Variants in MACROD2 observed in about 807,000 individuals in gnomAD.
MACROD2 encodes the protein ADP-ribose glycohydrolase MACROD2.
MACROD2 carries 36 observed loss-of-function variants against 70.4 expected under a neutral mutation model. The observed-to-expected ratio is 0.51, with a 90% CI of 0.39 to 0.68. The LOEUF is 0.68. Ranked by LOEUF, MACROD2 falls within the 30% of genes least tolerant of loss-of-function variation. The pLI is 0.00. For missense variants in MACROD2, 496 were observed against 538.4 expected, an observed-to-expected ratio of 0.92 and a Z score of 0.78; for synonymous variants, 172 against 178.8, an observed-to-expected ratio of 0.96 and a Z score of 0.30.
intron 3 of MACROD2, among the ~76,000 whole-genome samples, chr20:14,441,288 A>G (rs2084119652): frequency 1.3e-5 from 2 of 152,154 alleles, no homozygotes; most frequent in Admixed American, 6.5e-5. Flanking sequence ...GCAGAGGAGA[A>G]CTGAAGTGCT....
intron 4 of MACROD2, among the ~76,000 whole-genome samples, chr20:14,684,377 G>C (rs2070972927): frequency 6.6e-6 from 1 of 152,030 alleles, no homozygotes; most frequent in Non-Finnish European, 1.5e-5. Context: ...TACCTTTCTA[G>C]GTTTCTTACT....
At chr20:15,775,771 A>G (rs907928108) in intron 8 of MACROD2, among the ~76,000 whole-genome samples, 1 of 152,178 alleles carries the variant, frequency 6.6e-6, no homozygotes, top group African/African-American at 2.4e-5. Flanking sequence ...GAGGCAGACA[A>G]GACCACCCTT....
intron 3 of MACROD2, among the ~76,000 whole-genome samples, chr20:14,132,540 A>G (rs933420444): frequency 5.3e-5 from 8 of 152,258 alleles, no homozygotes; most frequent in South Asian, 2.1e-4. Flanking sequence ...GATAAATTCC[A>G]ACTAATGATT....
chr20:14,488,141 A>G (rs1474025213), intron 3 of MACROD2, among the ~76,000 whole-genome samples: 1 of 152,220 alleles, frequency 6.6e-6, no homozygotes, highest in Non-Finnish European at 1.5e-5. Flanking sequence ...TAAATTGAAA[A>G]TTTATTTGTA....
chr20:15,376,052 T>C (rs1455261714), intron 6 of MACROD2, among the ~76,000 whole-genome samples: 1 of 152,160 alleles, frequency 6.6e-6, no homozygotes, highest in Non-Finnish European at 1.5e-5. Flanking sequence ...GTGGTCCATG[T>C]TTACCAAATG....
chr20:14,643,892 G>A (rs1271482844), intron 4 of MACROD2, among the ~76,000 whole-genome samples: 2 of 152,128 alleles, frequency 1.3e-5, no homozygotes, highest in Non-Finnish European at 2.9e-5. Flanking sequence ...ATGCCTGGGT[G>A]TGTGGATGGA....
At chr20:15,977,329 A>G (rs1345945839) in intron 13 of MACROD2, among the ~76,000 whole-genome samples, 2 of 152,216 alleles carry the variant, frequency 1.3e-5, no homozygotes, top group African/African-American at 2.4e-5. Context: ...ATCTGAAGAC[A>G]TAGCTATGAA....
chr20:14,306,630 C>T (rs2082523161), intron 3 of MACROD2, among the ~76,000 whole-genome samples: 1 of 152,130 alleles, frequency 6.6e-6, no homozygotes. Context: ...GCCAGCACCT[C>T]ATTCTCAAAC....
chr20:14,596,278 G>A (rs1248584729), intron 4 of MACROD2, among the ~76,000 whole-genome samples: 1 of 151,480 alleles, frequency 6.6e-6, no homozygotes, highest in East Asian at 1.9e-4. Flanking sequence ...TTTTAGTAGA[G>A]ACGGGGTTTC....
At chr20:15,710,047 C>T (rs931430663) in intron 8 of MACROD2, among the ~76,000 whole-genome samples, 8 of 151,832 alleles carry the variant, frequency 5.3e-5, no homozygotes, top group Non-Finnish European at 8.8e-5. Context: ...GCTAATGATC[C>T]GTACGACACT....
At chr20:15,173,319 A>C (rs180974069) in intron 5 of MACROD2, among the ~76,000 whole-genome samples, 3 of 152,278 alleles carry the variant, frequency 2.0e-5, no homozygotes, top group Admixed American at 6.5e-5. Context: ...CACTCACTGT[A>C]TGTTTGCTAA....
At chr20:14,852,516 C>T (rs1325231812) in intron 5 of MACROD2, among the ~76,000 whole-genome samples, 1 of 152,080 alleles carries the variant, frequency 6.6e-6, no homozygotes, top group South Asian at 2.1e-4. Flanking sequence ...ATTAGTTTTG[C>T]ACACTCACAA....
At position 15,968,797 on chromosome 20, in the gene MACROD2, GTATATATATATATATATATATATATATA is replaced by G. The variant is rs35259261; in HGVS notation, c.985+1182_985+1209del. The stretch of plus-strand genomic sequence containing the variant: ...AAACATATAATATTATATATTATGC[GTATATATATATATATATATATATATATA>G]TATATATATATATACACACATATAC... On this transcript the variant is annotated intron_variant, in intron 13 of 17. Transcript: ENST00000684519. Among the ~76,000 whole-genome samples the G allele has an allele frequency of 9.8e-3, 1,043 of 106,806 alleles. 4 individuals are homozygous for G. Among genetic ancestry groups the G allele is most frequent in the Middle Eastern group, 0.018 (3 of 170 alleles). 70.1% of individuals were successfully genotyped at this position (106,806 alleles called of 152,430 possible).
At chr20:15,901,696 A>G (rs1177609624) in intron 10 of MACROD2, among the ~76,000 whole-genome samples, 1 of 152,188 alleles carries the variant, frequency 6.6e-6, no homozygotes, top group Non-Finnish European at 1.5e-5. Flanking sequence ...CCTATCTCCA[A>G]TATTTACACA....
chr20:14,257,619 A>C (rs1383850047), intron 3 of MACROD2, among the ~76,000 whole-genome samples: 7 of 152,184 alleles, frequency 4.6e-5, no homozygotes, highest in Non-Finnish European at 1.5e-5. Context: ...CTCATAACCC[A>C]ATTAAGATTA....
chr20:15,214,019 A>G (rs1234369924), intron 5 of MACROD2, among the ~76,000 whole-genome samples: 2 of 152,090 alleles, frequency 1.3e-5, no homozygotes, highest in African/African-American at 4.8e-5. Context: ...TTCCGGGATT[A>G]CAGGTGTGAG....
chr20:14,613,621 T>G (rs1983303249), intron 4 of MACROD2, among the ~76,000 whole-genome samples: 1 of 152,110 alleles, frequency 6.6e-6, no homozygotes, highest in Non-Finnish European at 1.5e-5. Flanking sequence ...CTACCCCCAG[T>G]GTTTTCCTCT....
chr20:15,787,952 A>G (rs1198788544), intron 8 of MACROD2, among the ~76,000 whole-genome samples: 1 of 152,162 alleles, frequency 6.6e-6, no homozygotes, highest in East Asian at 1.9e-4. Flanking sequence ...TGATTTTTTA[A>G]GTCTATATCA....
chr20:15,397,700 A>C (rs1200032318), intron 6 of MACROD2, among the ~76,000 whole-genome samples: 1 of 152,200 alleles, frequency 6.6e-6, no homozygotes, highest in Non-Finnish European at 1.5e-5. Flanking sequence ...TATTCTTGAG[A>C]TATAGGAATC....
Sources: allele counts gnomAD v4.1 joint callset (sites outside exome capture counted in the v4.1 genomes callset), GRCh38; gene constraint gnomAD v4.1.1; transcripts MANE v1.5; gene names NCBI Gene and HGNC (gene_info 2026-07-23, HGNC 2026-07-21).